The following SVEP1 variants were observed in gnomAD, a reference collection of about 807,000 sequenced individuals.
The protein encoded by SVEP1 is sushi, von Willebrand factor type A, EGF and pentraxin domain-containing protein 1.
A neutral mutation model predicts 367.3 loss-of-function variants in SVEP1; 164 were observed. The observed-to-expected ratio is 0.45, with a 90% CI of 0.39 to 0.51. The LOEUF (loss-of-function observed/expected upper bound fraction) is 0.51, where lower values mean the gene tolerates loss of function less well. SVEP1 is among the 20% of genes least tolerant of loss of function. The pLI is 0.00. For synonymous variants in SVEP1, 1,666 were observed against 1,611.6 expected (o/e 1.03, Z -0.81); for missense variants, 4,117 against 4,425.3 (o/e 0.93, Z 1.98).
intron 1 of SVEP1, among the ~76,000 whole-genome samples, chr9:110,557,839 A>G (rs772024114): frequency 6.6e-6 from 1 of 152,152 alleles, no homozygotes; most frequent in Non-Finnish European, 1.5e-5. Context: ...CAAATAAGCC[A>G]CAGCCTGTGT....
intron 3 of SVEP1, among the ~76,000 whole-genome samples, chr9:110,526,476 G>A (rs1829940863): frequency 6.6e-6 from 1 of 152,046 alleles, no homozygotes; most frequent in Admixed American, 6.6e-5. Context: ...AAACCAAAAT[G>A]TGTCATCACA....
chr9:110,426,401 T>C (rs1298437211), intron 36 of SVEP1, among the ~76,000 whole-genome samples: 1 of 152,096 alleles, frequency 6.6e-6, no homozygotes, highest in Non-Finnish European at 1.5e-5. Flanking sequence ...GGTTAGGCCA[T>C]GTATTATATC....
intron 2 of SVEP1, among the ~76,000 whole-genome samples, chr9:110,549,580 CA>C (rs1397424174): frequency 1.3e-5 from 2 of 152,058 alleles, no homozygotes; most frequent in Non-Finnish European, 2.9e-5. Context: ...AAATTCATTC[CA>C]CTGATTCTAA....
Position 110,393,514 on chromosome 9 carries a change from G to A in SVEP1, c.9823-3927C>T, listed in dbSNP as rs150615642. ...GGGTTCATCTCACTGGGGAGTGCCAGACAGTGGGTGCAGTGCACTGTGCAC... is the reference window on the plus strand; with the variant it reads ...GGGTTCATCTCACTGGGGAGTGCCAAACAGTGGGTGCAGTGCACTGTGCAC... On this transcript the variant is annotated intron_variant, in intron 40 of 47. Coordinates refer to ENST00000374469, the MANE Select transcript of SVEP1 (RefSeq NM_153366.4). Among the ~76,000 whole-genome samples the A allele has an allele frequency of 1.2e-3, 177 of 152,324 alleles. 3 individuals carry two copies. The East Asian group carries it at 0.032, about 28-fold the overall frequency.
chr9:110,558,584 A>T (rs1049017159), intron 1 of SVEP1, among the ~76,000 whole-genome samples: 1 of 151,678 alleles, frequency 6.6e-6, no homozygotes, highest in African/African-American at 2.4e-5. Flanking sequence ...CAAAACCTCC[A>T]TAAAAAACAA....
intron 1 of SVEP1, among the ~76,000 whole-genome samples, chr9:110,574,483 G>A (rs993132023): frequency 3.9e-5 from 6 of 152,122 alleles, no homozygotes; most frequent in African/African-American, 7.2e-5. Flanking sequence ...ATGATGAAAC[G>A]TACAAAGTTT....
At chr9:110,423,236 A>G (rs571750773) in intron 36 of SVEP1, among the ~76,000 whole-genome samples, 72 of 151,602 alleles carry the variant, frequency 4.7e-4, no homozygotes, top group Admixed American at 2.5e-3. Flanking sequence ...GCTAAACTAC[A>G]ATTCAAGAGC....
Position 110,411,153 on chromosome 9 carries a change from G to C in SVEP1, c.6558C>G (p.Cys2186Trp). 6.2e-7 allele frequency: 1 copy of C among 1,613,930 alleles called. No homozygotes were observed. Among genetic ancestry groups the C allele is most frequent in the Non-Finnish European group, 8.5e-7 (1 of 1,179,878 alleles). ...FYIKGEKKST[C>W]EATGQWSSPI... ...GACTACTCCACTGCCCTGTGGCTTC[G>C]CAGGTGCTCTTCTTTTCCCCTTTGA... is the stretch of plus-strand genomic sequence containing the variant. Residue 2186 changes from cysteine (C) to tryptophan (W), a missense_variant, in exon 37 of 48, where the codon TGC becomes TGG. Transcript: ENST00000374469.
chr9:110,450,790 T>A (rs1257716957), intron 23 of SVEP1, among the ~76,000 whole-genome samples: 1 of 152,138 alleles, frequency 6.6e-6, no homozygotes, highest in African/African-American at 2.4e-5. Flanking sequence ...TCTGCTTTTT[T>A]AAATCTTACT....
chr9:110,535,963 T>C (rs1046001452), intron 3 of SVEP1, among the ~76,000 whole-genome samples: 1 of 152,086 alleles, frequency 6.6e-6, no homozygotes, highest in Non-Finnish European at 1.5e-5. Flanking sequence ...TATTTCTTTC[T>C]GTTGCCTGAA....
chr9:110,423,163 TAAAGTA>T (rs1415482994), intron 36 of SVEP1, among the ~76,000 whole-genome samples: 1 of 59,930 alleles, frequency 1.7e-5, no homozygotes, highest in Non-Finnish European at 3.4e-5. Context: ...AATAAAAAAA[TAAAGTA>T]AAAAAAAAAA....
At chr9:110,497,014 T>C in intron 7 of SVEP1, 81 bp from the exon 8 acceptor site, 1 of 891,832 alleles carries the variant, frequency 1.1e-6, no homozygotes, top group Non-Finnish European at 1.7e-6. Flanking sequence ...CAAATCTAGT[T>C]ATATTAATAC....
chr9:110,524,905 T>G (rs1466470046), intron 3 of SVEP1, among the ~76,000 whole-genome samples: 2 of 151,770 alleles, frequency 1.3e-5, no homozygotes, highest in Non-Finnish European at 2.9e-5. Context: ...AGAGATGGGG[T>G]TTTACCATGT....
At chr9:110,394,628 T>G (rs1827727821) in intron 40 of SVEP1, among the ~76,000 whole-genome samples, 1 of 152,020 alleles carries the variant, frequency 6.6e-6, no homozygotes, top group African/African-American at 2.4e-5. Flanking sequence ...AATGGATAAC[T>G]AGAATAACCA....
At chr9:110,410,761 T>C (rs2118502641) in intron 37 of SVEP1, among the ~76,000 whole-genome samples, 1 of 152,336 alleles carries the variant, frequency 6.6e-6, no homozygotes, top group Middle Eastern at 3.4e-3. Context: ...TTCTGAATAG[T>C]GGGTTCATCA....
In SVEP1 at chr9:110,472,183, T is replaced by C; in HGVS notation, c.2740A>G (p.Ile914Val). The change falls in exon 15 of 48, where the codon ATT becomes GTT. Residue 914 changes from isoleucine to valine, a missense_variant. Ile to Val is a conservative substitution (Grantham distance 29). This residue lies in a region of SVEP1 where 2,174 missense variants were observed against 2,494.3 expected (regional missense o/e 0.87). Transcript: ENST00000374469. Reference sequence around the variant, plus strand: ...CCTGTGATGTTAAAAATTAACTTAATTTTATAGTCAGATAATGGGGCACTT... The same window carrying C: ...CCTGTGATGTTAAAAATTAACTTAACTTTATAGTCAGATAATGGGGCACTT... Reference protein sequence around the residue: ...KRSAPLSDYKIKLIFNITASV... With the variant: ...KRSAPLSDYKVKLIFNITASV... 6.2e-7 allele frequency: 1 copy of C among 1,611,742 alleles called. No homozygotes were observed. Among genetic ancestry groups the C allele is most frequent in the Non-Finnish European group, 8.5e-7 (1 of 1,179,374 alleles).
At chr9:110,433,067 T>G (rs1268149003) in intron 30 of SVEP1, among the ~76,000 whole-genome samples, 1 of 152,144 alleles carries the variant, frequency 6.6e-6, no homozygotes, top group Non-Finnish European at 1.5e-5. Context: ...TCTCTCTTGC[T>G]CCTGCTTCTG....
At chr9:110,495,678 T>C (rs1829435425) in intron 8 of SVEP1, among the ~76,000 whole-genome samples, 1 of 148,444 alleles carries the variant, frequency 6.7e-6, no homozygotes, top group South Asian at 2.1e-4. Flanking sequence ...AGTGTAGAAA[T>C]AACATAATAT....
At chr9:110,527,180 G>C (rs1181900716) in intron 3 of SVEP1, among the ~76,000 whole-genome samples, 2 of 151,950 alleles carry the variant, frequency 1.3e-5, no homozygotes, top group Non-Finnish European at 2.9e-5. Context: ...GTTACCATTG[G>C]GGAAAATGAT....
Sources: gnomAD v4.1 joint callset for allele counts (sites outside exome capture counted in the v4.1 genomes callset) on GRCh38, gnomAD v4.1.1 for gene constraint, gnomAD v4.1.1 regional missense constraint, MANE v1.5 for transcripts, NCBI Gene and HGNC (gene_info 2026-07-23, HGNC 2026-07-21) for gene names.